Variants in ANK2 observed in about 807,000 individuals in gnomAD.
ANK2 encodes ankyrin 2, also known as ankyrin-2.
A neutral mutation model predicts 360.5 loss-of-function variants in ANK2; 83 were observed. The observed-to-expected ratio is 0.23, with a 90% CI of 0.19 to 0.28. The LOEUF is 0.28. Ranked by LOEUF, ANK2 falls within the 10% of genes least tolerant of loss-of-function variation. The pLI is 1.00. For synonymous variants in ANK2, 1,740 were observed against 1,759.5 expected, an observed-to-expected ratio of 0.99 and a Z score of 0.28; for missense variants, 4,201 against 4,795.7, an observed-to-expected ratio of 0.88 and a Z score of 3.66.
intron 2 of ANK2, among the ~76,000 whole-genome samples, chr4:113,186,580 CTCTCTCTTCT>C (rs2098530824): frequency 1.5e-5 from 1 of 66,744 alleles, no homozygotes. Context: ...CTCTCTCTCT[CTCTCTCTTCT>C]CTCTCTCTCT....
rs1425870581 is a variant in ANK2 at position 113,292,987 on chromosome 4, C to G, written c.2377-453C>G. ...CGAATTGCTTGCCTGTGTTATTTTG[C>G]TGCACAGTGAGCTTCTGCACAGCTG... On this transcript the variant is annotated intron_variant, in intron 21 of 45. Transcript: ENST00000357077. 8.5e-6 allele frequency: 3 copies of G among 354,696 alleles called. No individual in the cohort carries two copies. In the Admixed American group the frequency reaches 1.1e-4, roughly 14 times the overall value. The allele number at this position is 354,696 out of a possible 1,614,324, so 22.0% of individuals were successfully genotyped here. A position where few individuals can be genotyped will look rare whatever the true frequency, so the allele number is the denominator to read the frequency against.
At chr4:112,781,771 A>G in the ANK2 span, among the ~76,000 whole-genome samples, 1 of 151,962 alleles carries the variant, frequency 6.6e-6, no homozygotes, top group African/African-American at 2.4e-5. Flanking sequence ...GAATTTTAAC[A>G]GTGACTATTT....
the ANK2 span, among the ~76,000 whole-genome samples, chr4:112,737,026 T>A: frequency 6.6e-6 from 1 of 152,236 alleles, no homozygotes; most frequent in African/African-American, 2.4e-5. Flanking sequence ...CCTTGGGCTC[T>A]GAAGTTGCAT....
At chr4:113,153,693 G>C (rs2097174388) in intron 1 of ANK2, among the ~76,000 whole-genome samples, 1 of 152,160 alleles carries the variant, frequency 6.6e-6, no homozygotes, top group East Asian at 1.9e-4. Context: ...TAAACACACA[G>C]TATGAAAAGT....
intron 1 of ANK2, among the ~76,000 whole-genome samples, chr4:113,129,743 G>A (rs546112907): frequency 2.0e-5 from 3 of 152,274 alleles, no homozygotes; most frequent in Non-Finnish European, 4.4e-5. Context: ...GTACTTTTGA[G>A]ATATATGATA....
At chr4:112,927,408 C>A (rs1237698337) in intron 2 of ANK2, among the ~76,000 whole-genome samples, 1 of 152,132 alleles carries the variant, frequency 6.6e-6, no homozygotes, top group African/African-American at 2.4e-5. Context: ...GATTTTCCAT[C>A]TGGGATATTT....
the ANK2 span, among the ~76,000 whole-genome samples, chr4:112,717,108 G>T: frequency 2.8e-3 from 422 of 152,132 alleles, 2 homozygotes; most frequent in African/African-American, 9.8e-3. Context: ...GTTATTTATC[G>T]TAACAGTTTT....
chr4:112,709,233 C>T, the ANK2 span, among the ~76,000 whole-genome samples: 4 of 152,138 alleles, frequency 2.6e-5, no homozygotes, highest in African/African-American at 9.6e-5. Flanking sequence ...TTTTCCAACT[C>T]GTAAGTCAAA....
the ANK2 span, among the ~76,000 whole-genome samples, chr4:112,744,429 C>T: frequency 6.6e-6 from 1 of 150,930 alleles, no homozygotes; most frequent in Non-Finnish European, 1.5e-5. Flanking sequence ...TCACTGTAGC[C>T]CCCGCCTCCC....
chr4:112,762,537 A>T, the ANK2 span, among the ~76,000 whole-genome samples: 11 of 152,228 alleles, frequency 7.2e-5, no homozygotes, highest in Non-Finnish European at 7.3e-5. Flanking sequence ...TTTTAGACAG[A>T]GTCTCACTGT....
intron 23 of ANK2, among the ~76,000 whole-genome samples, chr4:113,305,359 AT>A (rs2076829941): frequency 6.6e-6 from 1 of 151,150 alleles, no homozygotes; most frequent in African/African-American, 2.4e-5. Context: ...AAAAAAAAAA[AT>A]AGCCTCTCAG....
the ANK2 span, among the ~76,000 whole-genome samples, chr4:112,767,086 C>T: frequency 6.6e-6 from 1 of 152,178 alleles, no homozygotes; most frequent in African/African-American, 2.4e-5. Flanking sequence ...TCATCTCTTT[C>T]TTACCACAAA....
chr4:112,891,614 C>T (rs1337130485), intron 1 of ANK2, among the ~76,000 whole-genome samples: 1 of 152,126 alleles, frequency 6.6e-6, no homozygotes, highest in East Asian at 1.9e-4. Context: ...CTACTATTTA[C>T]TAGCCATCTT....
intron 1 of ANK2, among the ~76,000 whole-genome samples, chr4:112,898,276 AT>A (rs758506772): frequency 1.4e-4 from 21 of 152,302 alleles, no homozygotes; most frequent in Non-Finnish European, 2.1e-4. Context: ...TTTTAACCAA[AT>A]GCCCCTTTTC....
At chr4:112,984,678 G>C (rs2044259997) in intron 2 of ANK2, among the ~76,000 whole-genome samples, 1 of 152,164 alleles carries the variant, frequency 6.6e-6, no homozygotes, top group African/African-American at 2.4e-5. Flanking sequence ...CCTGTGTAAA[G>C]AATAAAGAGG....
At chr4:112,960,822 C>T (rs981090183) in intron 2 of ANK2, among the ~76,000 whole-genome samples, 1 of 151,922 alleles carries the variant, frequency 6.6e-6, no homozygotes, top group East Asian at 1.9e-4. Context: ...CCCCTTTTTA[C>T]CTTCATGACA....
At chr4:113,190,478 GT>G (rs61608551) in intron 2 of ANK2, among the ~76,000 whole-genome samples, 7,315 of 146,156 alleles carry the variant, frequency 0.05, 205 homozygotes, top group Non-Finnish European at 0.058. Context: ...TCATTTTAAT[GT>G]TTTTTTTTTT....
chr4:113,155,321 A>T (rs1040143916), intron 1 of ANK2, among the ~76,000 whole-genome samples: 7 of 152,140 alleles, frequency 4.6e-5, no homozygotes, highest in African/African-American at 1.7e-4. Flanking sequence ...GGCTTTTTTG[A>T]GTTCAGGTAT....
At chr4:113,340,129 G>A (rs754802494) in intron 32 of ANK2, among the ~76,000 whole-genome samples, 1 of 152,166 alleles carries the variant, frequency 6.6e-6, no homozygotes. Context: ...GTTTCAATGT[G>A]TTTTGCCAAT....
Sources: allele counts gnomAD v4.1 joint callset (sites outside exome capture counted in the v4.1 genomes callset), GRCh38; gene constraint gnomAD v4.1.1; transcripts MANE v1.5; gene names NCBI Gene and HGNC (gene_info 2026-07-23, HGNC 2026-07-21).